The following DEF6 variants were observed in gnomAD, a reference collection of about 807,000 sequenced individuals.
DEF6 encodes DEF6 guanine nucleotide exchange factor.
Under a neutral mutation model 80.5 loss-of-function variants are expected in DEF6, and 32 were observed. The observed-to-expected ratio is 0.40, with a 90% CI of 0.30 to 0.53. DEF6 has a LOEUF of 0.53. Among genes scored for constraint, DEF6 ranks in the 20% least tolerant of loss-of-function variants. The pLI, the probability that DEF6 is intolerant of heterozygous loss-of-function variation, is 0.57. For missense variants in DEF6, 575 were observed against 818.7 expected, an observed-to-expected ratio of 0.70 and a Z score of 3.63; for synonymous variants, 300 against 337.9, an observed-to-expected ratio of 0.89 and a Z score of 1.23.
chr6:35,298,588 G>A (rs1444651244), intron 1 of DEF6, among the ~76,000 whole-genome samples: 1 of 152,188 alleles, frequency 6.6e-6, no homozygotes, highest in Admixed American at 6.5e-5. Context: ...GGTAGGGAAG[G>A]GGGAGAATCT....
intron 5 of DEF6, 108 bp from the exon 6 acceptor site, chr6:35,317,773 TGGGGTCCCCA>T (rs1167421230): frequency 2.6e-6 from 2 of 767,332 alleles, no homozygotes; most frequent in Non-Finnish European, 4.1e-6. Flanking sequence ...CCTGGCAGAG[TGGGGTCCCCA>T]GGGAAGATAG....
rs547031821 is a variant in DEF6 at position 35,312,166 on chromosome 6, G to C, written c.424-136G>C. On this transcript the variant is annotated intron_variant, in intron 3 of 10. Transcript: ENST00000316637. This position sits in a 1 kb window ranked among gnomAD's most constrained non-coding sequence, Gnocchi z 6.6. ...TCTTTTCCCTGGCTCCATAACATTC[G>C]GTCCTCTGGCCCCCTCAACGCTCTG... 2 of 699,722 alleles carry C rather than the reference G, an allele frequency of 2.9e-6. No homozygotes were observed. The highest frequency in any genetic ancestry group is 4.7e-6 in the Non-Finnish European group (2 of 422,812). 43.3% of individuals were successfully genotyped at this position (699,722 alleles called of 1,614,324 possible). A position where few individuals can be genotyped will look rare whatever the true frequency, so the allele number is the denominator to read the frequency against.
At chr6:35,298,262 ACT>A (rs1791265675) in intron 1 of DEF6, among the ~76,000 whole-genome samples, 2 of 151,902 alleles carry the variant, frequency 1.3e-5, no homozygotes, top group South Asian at 4.1e-4. Flanking sequence ...CACATCCCAG[ACT>A]CTGTGTGATG....
chr6:35,320,762 T>C, intron 9 of DEF6, 122 bp from the exon 10 acceptor site: 1 of 812,692 alleles, frequency 1.2e-6, no homozygotes, highest in Non-Finnish European at 2.0e-6. Flanking sequence ...TATATGGTTT[T>C]TCTCTGGGGA....
intron 1 of DEF6, among the ~76,000 whole-genome samples, chr6:35,308,833 G>T (rs995067254): frequency 4.6e-5 from 7 of 152,016 alleles, no homozygotes; most frequent in African/African-American, 1.7e-4. Flanking sequence ...AGTAACTAGT[G>T]ACTTTTTAAT....
intron 9 of DEF6, 113 bp from the exon 10 acceptor site, chr6:35,320,771 G>T: frequency 1.2e-6 from 1 of 859,344 alleles, no homozygotes; most frequent in Non-Finnish European, 1.8e-6. Flanking sequence ...TTTCTCTGGG[G>T]AGATGATCAG....
At chr6:35,302,736 C>T (rs952040173) in intron 1 of DEF6, among the ~76,000 whole-genome samples, 1 of 152,138 alleles carries the variant, frequency 6.6e-6, no homozygotes, top group Non-Finnish European at 1.5e-5. Flanking sequence ...ACACCTGGAC[C>T]CCACCCCTGG....
intron 9 of DEF6, among the ~76,000 whole-genome samples, 199 bp from the exon 10 acceptor site, chr6:35,320,685 A>C (rs1436852101): frequency 6.6e-6 from 1 of 152,246 alleles, no homozygotes; most frequent in African/African-American, 2.4e-5. Flanking sequence ...TATCTTTTGG[A>C]AGTCCATGAG....
intron 5 of DEF6, 35 bp from the exon 6 acceptor site, chr6:35,317,856 G>A (rs1393783768): frequency 6.3e-7 from 1 of 1,593,976 alleles, no homozygotes; most frequent in Admixed American, 1.7e-5. Context: ...GACCCAGTGA[G>A]GCCAGCCTGG....
At chr6:35,303,351 G>C (rs1404477769) in intron 1 of DEF6, among the ~76,000 whole-genome samples, 1 of 152,128 alleles carries the variant, frequency 6.6e-6, no homozygotes, top group Non-Finnish European at 1.5e-5. Flanking sequence ...CCTCTCCTAA[G>C]ACTCCCTTTT....
Position 35,319,611 on chromosome 6 carries a change from C to A in DEF6, c.1303C>A (p.Gln435Lys). ...RQRIKELEEM[Q>K]QRLQEALQLE... The stretch of plus-strand genomic sequence containing the variant: ...GCGCATCAAGGAGCTGGAGGAGATG[C>A]AGCAGCGGTTGCAGGAGGCCCTGCA... Residue 435 changes from glutamine (Q) to lysine (K), a missense_variant, in exon 8 of 11, where the codon CAG (glutamine) becomes AAG (lysine). Transcript: ENST00000316637. This position sits in a 1 kb window ranked among gnomAD's most constrained non-coding sequence, Gnocchi z 4.5. 1 of 1,614,092 alleles carries A rather than the reference C, an allele frequency of 6.2e-7. No individual in the cohort carries two copies. Among genetic ancestry groups the A allele is most frequent in the Non-Finnish European group, 8.5e-7 (1 of 1,179,998 alleles).
rs1477785370 is a variant in DEF6 at position 35,321,313 on chromosome 6, G to A, written c.1799G>A (p.Ser600Asn). The A allele has an allele frequency of 1.9e-6, 3 of 1,613,922 alleles. No individual in the cohort carries two copies. In the African/African-American group the frequency reaches 4.0e-5, roughly 22 times the overall value. Residue 600 changes from serine to asparagine, a missense_variant, in exon 11 of 11, where the codon AGC (serine) becomes AAC (asparagine). Physicochemically the swap from Ser to Asn is conservative, Grantham distance 46. Coordinates refer to ENST00000316637, the MANE Select transcript of DEF6 (RefSeq NM_022047.4). ...SQGNRTPSPN[S>N]NEQQKSLNGG... The stretch of plus-strand genomic sequence containing the variant: ...GGCAACAGGACCCCCTCGCCCAACA[G>A]CAATGAGCAGCAGAAGTCCCTCAAT...
rs1481864577 is a variant in DEF6 at position 35,321,601 on chromosome 6, A to G, written c.*191A>G. ...TCATACCAGCTCCAAGCCCCAGACC[A>G]TGGGAGCTGTCTGGGATGTTGATCC... On this transcript the variant is annotated 3_prime_UTR_variant, in exon 11 of 11. Coordinates refer to ENST00000316637, the MANE Select transcript of DEF6 (RefSeq NM_022047.4). The G allele has an allele frequency of 5.7e-6, 3 of 524,648 alleles. No homozygotes were observed. Among genetic ancestry groups the G allele is most frequent in the African/African-American group, 5.7e-5 (3 of 52,638 alleles). The allele number at this position is 524,648 out of a possible 1,614,324, so 32.5% of individuals were successfully genotyped here.
intron 5 of DEF6, chr6:35,313,417 A>G (rs1791492006): frequency 2.8e-6 from 1 of 352,648 alleles, no homozygotes. Flanking sequence ...TAAAAATCAA[A>G]TCATGTCATT....
At chr6:35,309,292 C>T (rs1582230133) in intron 1 of DEF6, among the ~76,000 whole-genome samples, 2 of 152,292 alleles carry the variant, frequency 1.3e-5, no homozygotes, top group East Asian at 3.9e-4. Context: ...TACTGAATCC[C>T]TTGAGCCTCA....
intron 1 of DEF6, among the ~76,000 whole-genome samples, chr6:35,305,167 A>G (rs1405864023): frequency 2.7e-5 from 4 of 147,514 alleles, no homozygotes; most frequent in African/African-American, 1.0e-4. Context: ...TTTTTTCCAG[A>G]CAGGGTCTGG....
At position 35,297,921 on chromosome 6, in the gene DEF6, A is replaced by G. The variant is rs1315658600; in HGVS notation, c.65A>G (p.Lys22Arg). The change falls in exon 1 of 11, where the codon AAG (lysine) becomes AGG (arginine). Residue 22 changes from lysine to arginine, a missense_variant. Physicochemically the swap from Lys to Arg is conservative, Grantham distance 26. Transcript: ENST00000316637. ...GCCTTTACCGCGCTGGACGTGGAGA[A>G]GAGTGGCAAAGTCTCCAAGTCCCAG... ...WYAFTALDVE[K>R]SGKVSKSQLK... The G allele has an allele frequency of 1.0e-5, 16 of 1,606,496 alleles. No homozygotes were observed. The Admixed American group carries it at 2.6e-4, about 26-fold the overall frequency.
Position 35,318,492 on chromosome 6 carries a change from C to T in DEF6, c.1215+21C>T, listed in dbSNP as rs1410419395. ...AGCAGGTGGGGTTAGCTCCCGGCGCCGGGGACGGGACCGGTGGGCTGGGAG... is the reference window on the plus strand; with the variant it reads ...AGCAGGTGGGGTTAGCTCCCGGCGCTGGGGACGGGACCGGTGGGCTGGGAG... On this transcript the variant is annotated intron_variant, in intron 7 of 10. Transcript: ENST00000316637. The surrounding 1 kb of genome is among the most constrained non-coding windows in gnomAD (Gnocchi z 5.1). 4.4e-6 allele frequency: 6 copies of T among 1,375,454 alleles called. No individual in the cohort carries two copies. The highest frequency in any genetic ancestry group is 3.0e-5 in the East Asian group (1 of 33,106). 85.2% of individuals were successfully genotyped at this position (1,375,454 alleles called of 1,614,324 possible).
chr6:35,298,639 A>G (rs763071042), intron 1 of DEF6, among the ~76,000 whole-genome samples: 8 of 152,192 alleles, frequency 5.3e-5, no homozygotes, highest in African/African-American at 9.6e-5. Flanking sequence ...CCTGAAGTCA[A>G]TCATCTGGCC....
Sources: allele counts gnomAD v4.1 joint callset (sites outside exome capture counted in the v4.1 genomes callset), GRCh38; gene constraint gnomAD v4.1.1; non-coding constraint Gnocchi (gnomAD v3.1); transcripts MANE v1.5; gene names NCBI Gene and HGNC (gene_info 2026-07-23, HGNC 2026-07-21).